Variants in QTMAN observed in about 807,000 individuals in gnomAD.
QTMAN encodes the protein queuosine-tRNA mannosyltransferase, also known as tRNA-queuosine alpha-mannosyltransferase.
At chr2:144,105,799 T>C in the QTMAN span, among the ~76,000 whole-genome samples, 38 of 152,192 alleles carry the variant, frequency 2.5e-4, no homozygotes, top group African/African-American at 8.2e-4. Context: ...AGACACATAA[T>C]TGTCAGATTC....
the QTMAN span, among the ~76,000 whole-genome samples, chr2:144,101,394 T>TCTCTCACACACA: frequency 1.3e-5 from 2 of 150,124 alleles, no homozygotes; most frequent in African/African-American, 4.9e-5. Flanking sequence ...TATCTCTCTC[T>TCTCTCACACACA]CACACACACA....
the QTMAN span, among the ~76,000 whole-genome samples, chr2:144,329,525 C>CAG: frequency 1.3e-5 from 2 of 152,186 alleles, no homozygotes; most frequent in Non-Finnish European, 2.9e-5. Flanking sequence ...TGGTAACAGT[C>CAG]AGAGGGTCAC....
the QTMAN span, among the ~76,000 whole-genome samples, chr2:143,997,919 G>T: frequency 6.6e-6 from 1 of 152,026 alleles, no homozygotes; most frequent in Non-Finnish European, 1.5e-5. Context: ...GGCTGTAGCT[G>T]TCCAGGACTT....
At chr2:144,164,198 A>G in the QTMAN span, among the ~76,000 whole-genome samples, 3 of 152,188 alleles carry the variant, frequency 2.0e-5, no homozygotes, top group South Asian at 6.2e-4. Flanking sequence ...TGCTGGGATT[A>G]CAGCTGTGAG....
the QTMAN span, among the ~76,000 whole-genome samples, chr2:144,201,484 A>C: frequency 6.6e-6 from 1 of 152,236 alleles, no homozygotes; most frequent in Non-Finnish European, 1.5e-5. Context: ...GATTTTACAT[A>C]GGCAATAGGA....
At chr2:144,064,594 G>GAAC in the QTMAN span, among the ~76,000 whole-genome samples, 1 of 152,102 alleles carries the variant, frequency 6.6e-6, no homozygotes, top group African/African-American at 2.4e-5. Context: ...CTGGGAAGAT[G>GAAC]AACATATTCT....
chr2:144,310,773 T>C, the QTMAN span, among the ~76,000 whole-genome samples: 2 of 152,212 alleles, frequency 1.3e-5, no homozygotes, highest in Admixed American at 6.5e-5. Context: ...ATGGCGAAGA[T>C]TAAAGATGAA....
chr2:144,294,902 A>G, the QTMAN span, among the ~76,000 whole-genome samples: 1 of 152,312 alleles, frequency 6.6e-6, no homozygotes, highest in African/African-American at 2.4e-5. Context: ...GCAGTTGGAT[A>G]ATCAGTGGAT....
the QTMAN span, among the ~76,000 whole-genome samples, chr2:144,312,046 C>G: frequency 6.6e-6 from 1 of 152,194 alleles, no homozygotes; most frequent in East Asian, 1.9e-4. Context: ...ACTTCCCCAT[C>G]TCTCAAAACC....
the QTMAN span, among the ~76,000 whole-genome samples, chr2:144,000,182 A>C: frequency 1.3e-5 from 2 of 152,066 alleles, no homozygotes; most frequent in African/African-American, 4.8e-5. Context: ...ATAGATTCCC[A>C]TAGATTAATC....
chr2:144,282,339 A>G, the QTMAN span, among the ~76,000 whole-genome samples: 3 of 150,484 alleles, frequency 2.0e-5, no homozygotes, highest in Non-Finnish European at 4.4e-5. Flanking sequence ...TAAGTTTAAA[A>G]ATATAATATT....
At chr2:144,082,597 TA>T in the QTMAN span, among the ~76,000 whole-genome samples, 2,004 of 149,294 alleles carry the variant, frequency 0.013, 12 homozygotes, top group Non-Finnish European at 0.015. Flanking sequence ...CCCATATAGT[TA>T]AAAAAAAAAT....
the QTMAN span, among the ~76,000 whole-genome samples, chr2:143,992,074 G>A: frequency 6.6e-6 from 1 of 152,188 alleles, no homozygotes. Context: ...TGACAATGGT[G>A]GTTTTGTGGA....
chr2:144,025,776 C>T, the QTMAN span, among the ~76,000 whole-genome samples: 1 of 152,184 alleles, frequency 6.6e-6, no homozygotes, highest in African/African-American at 2.4e-5. Flanking sequence ...TCAAACAGTA[C>T]CAGCTATGTA....
the QTMAN span, among the ~76,000 whole-genome samples, chr2:144,087,877 C>T: frequency 6.6e-6 from 1 of 151,996 alleles, no homozygotes; most frequent in Non-Finnish European, 1.5e-5. Flanking sequence ...AAAGCCTTTC[C>T]TTTAATAACT....
At chr2:143,976,485 A>T in the QTMAN span, among the ~76,000 whole-genome samples, 1 of 152,188 alleles carries the variant, frequency 6.6e-6, no homozygotes, top group Non-Finnish European at 1.5e-5. Context: ...ATTCAAAAAC[A>T]TGAGGCTTCT....
chr2:143,995,555 A>G, the QTMAN span, among the ~76,000 whole-genome samples: 16 of 152,176 alleles, frequency 1.1e-4, no homozygotes, highest in Non-Finnish European at 2.2e-4. Context: ...CATCATATAA[A>G]GAAGAAAACT....
At chr2:144,108,782 A>G in the QTMAN span, among the ~76,000 whole-genome samples, 1 of 152,042 alleles carries the variant, frequency 6.6e-6, no homozygotes, top group Non-Finnish European at 1.5e-5. Flanking sequence ...ACTAACAGAG[A>G]GCCAAATCAT....
At chr2:144,133,394 T>A in the QTMAN span, among the ~76,000 whole-genome samples, 5 of 40,642 alleles carry the variant, frequency 1.2e-4, no homozygotes, top group Admixed American at 4.4e-4. Context: ...TAATATATAT[T>A]ATATAAATAT....
Sources: gnomAD v4.1 joint callset for allele counts (sites outside exome capture counted in the v4.1 genomes callset) on GRCh38, gnomAD v4.1.1 for gene constraint, MANE v1.5 for transcripts, NCBI Gene and HGNC (gene_info 2026-07-23, HGNC 2026-07-21) for gene names.